Variants in C7orf25 observed in about 807,000 individuals in gnomAD.
C7orf25 encodes chromosome 7 open reading frame 25, also known as UPF0415 protein C7orf25.
In C7orf25, 14 loss-of-function variants were observed where a neutral mutation model predicts 25.5. The ratio of observed to expected loss-of-function variants is 0.55; its 90% CI spans 0.36 to 0.86. The LOEUF is 0.86. Ranked by LOEUF, C7orf25 falls within the 40% of genes least tolerant of loss-of-function variation. The pLI is 0.01. For synonymous variants in C7orf25, 184 were observed against 179.9 expected (o/e 1.02, Z -0.18); for missense variants, 405 against 493.9 (o/e 0.82, Z 1.71).
rs774474884 is a variant in C7orf25, at chr7:42,910,619, A to G, written c.282T>C (p.Tyr94=). 1 of 1,614,162 alleles carries G rather than the reference A, an allele frequency of 6.2e-7. No homozygotes were observed. Among genetic ancestry groups the G allele is most frequent in the Admixed American group, 1.7e-5 (1 of 60,036 alleles). The change falls in exon 2 of 2, where the codon TAT becomes TAC. Residue 94 remains tyrosine, a synonymous_variant. Transcript: ENST00000350427. ...EVVSVLHVFG[Y]TDTLGEKQTL... Reference sequence around the variant, plus strand: ...TTTGCTTTTCTCCTAAGGTATCTGTATAACCAAAGACATGAAGAACACTAA... The same window carrying G: ...TTTGCTTTTCTCCTAAGGTATCTGTGTAACCAAAGACATGAAGAACACTAA...
At chr7:42,911,062 C>G (rs1332044223) in intron 1 of C7orf25, 141 bp from the exon 2 acceptor site, 8 of 1,334,182 alleles carry the variant, frequency 6.0e-6, no homozygotes, top group Non-Finnish European at 8.3e-6. Flanking sequence ...ATGTCTCATT[C>G]TGGAGTGACT....
In C7orf25 at chr7:42,911,922, G is replaced by A. The variant is rs987885888; in HGVS notation, c.-29C>T. 3.4e-6 allele frequency: 5 copies of A among 1,477,626 alleles called. No individual in the cohort carries two copies. The highest frequency in any genetic ancestry group is 2.9e-5 in the African/African-American group (2 of 67,918). The allele number at this position is 1,477,626 out of a possible 1,614,324, so 91.5% of individuals were successfully genotyped here. On this transcript the variant is annotated 5_prime_UTR_variant, in exon 1 of 2. Coordinates refer to ENST00000350427, the MANE Select transcript of C7orf25 (RefSeq NM_001099858.2). Reference sequence around the variant, plus strand: ...CGCTCCCCGGCTCCTCACCGGCAGCGCCAGAACCGCGAGCGCGAGCACGCA... The same window carrying A: ...CGCTCCCCGGCTCCTCACCGGCAGCACCAGAACCGCGAGCGCGAGCACGCA...
At position 42,911,970 on chromosome 7, in the gene C7orf25, G is replaced by A. The variant is rs926869302; in HGVS notation, c.-77C>T. On this transcript the variant is annotated 5_prime_UTR_variant, in exon 1 of 2. Transcript: ENST00000350427. ...GCAGGCGCGTGCACGCAGAGGCCGG[G>A]ACCCGCCGGGAAATCTCAACCGGGC... 1 of 1,496,192 alleles carries A rather than the reference G, an allele frequency of 6.7e-7. No homozygotes were observed. The highest frequency in any genetic ancestry group is 8.8e-7 in the Non-Finnish European group (1 of 1,131,090). The allele number at this position is 1,496,192 out of a possible 1,614,324, so 92.7% of individuals were successfully genotyped here.
chr7:42,911,749 G>A (rs1047047332), intron 1 of C7orf25, 166 bp downstream of exon 1: 10 of 1,220,062 alleles, frequency 8.2e-6, no homozygotes, highest in Non-Finnish European at 9.2e-6. Context: ...CTGCCAGGAG[G>A]GGCCGGGGCC....
At position 42,909,621 on chromosome 7, in the gene C7orf25, T is replaced by C; in HGVS notation, c.*14A>G. Reference sequence around the variant, plus strand: ...TAAATAACTTACTTCCACAAAAATATTTAAAGGGTATCTTTAGTGTTCACT... The same window carrying C: ...TAAATAACTTACTTCCACAAAAATACTTAAAGGGTATCTTTAGTGTTCACT... On this transcript the variant is annotated 3_prime_UTR_variant, in exon 2 of 2. Coordinates refer to ENST00000350427, the MANE Select transcript of C7orf25 (RefSeq NM_001099858.2). 1 of 1,588,610 alleles carries C rather than the reference T, an allele frequency of 6.3e-7. No individual in the cohort carries two copies. Among genetic ancestry groups the C allele is most frequent in the Middle Eastern group, 1.7e-4 (1 of 5,908 alleles).
chr7:42,911,951 G>A lies in C7orf25; in HGVS notation c.-58C>T, dbSNP rs752969909. The A allele has an allele frequency of 2.0e-6, 3 of 1,488,622 alleles. No individual in the cohort carries two copies. In the South Asian group the frequency reaches 3.8e-5, roughly 19 times the overall value. The allele number at this position is 1,488,622 out of a possible 1,614,324, so 92.2% of individuals were successfully genotyped here. On this transcript the variant is annotated 5_prime_UTR_variant, in exon 1 of 2. Coordinates refer to ENST00000350427, the MANE Select transcript of C7orf25 (RefSeq NM_001099858.2). The stretch of plus-strand genomic sequence containing the variant: ...GAACCGCGAGCGCGAGCACGCAGGC[G>A]CGTGCACGCAGAGGCCGGGACCCGC...
In C7orf25 at chr7:42,909,628, G is replaced by A; in HGVS notation, c.*7C>T. On this transcript the variant is annotated 3_prime_UTR_variant, in exon 2 of 2. Transcript: ENST00000350427. ...CTTACTTCCACAAAAATATTTAAAG[G>A]GTATCTTTAGTGTTCACTGTCAGTT... 1.3e-6 allele frequency: 2 copies of A among 1,594,240 alleles called. No individual in the cohort carries two copies. The highest frequency in any genetic ancestry group is 1.1e-5 in the South Asian group (1 of 87,878).
chr7:42,911,944 CGCAGGCGCGT>C lies in C7orf25; in HGVS notation c.-61_-52del, dbSNP rs1415260494. On this transcript the variant is annotated 5_prime_UTR_variant, in exon 1 of 2. Coordinates refer to ENST00000350427, the MANE Select transcript of C7orf25 (RefSeq NM_001099858.2). ...AGCGCCAGAACCGCGAGCGCGAGCA[CGCAGGCGCGT>C]GCACGCAGAGGCCGGGACCCGCCGG... 44 of 1,485,996 alleles carry C rather than the reference CGCAGGCGCGT, an allele frequency of 3.0e-5. No individual in the cohort carries two copies. The highest frequency in any genetic ancestry group is 3.9e-5 in the Non-Finnish European group (44 of 1,125,784). 92.1% of individuals were successfully genotyped at this position (1,485,996 alleles called of 1,614,324 possible). A position where few individuals can be genotyped will look rare whatever the true frequency, so the allele number is the denominator to read the frequency against.
In C7orf25 at chr7:42,910,991, T is replaced by A. The variant is rs756727015; in HGVS notation, c.-21-70A>T. The A allele has an allele frequency of 3.8e-5, 60 of 1,598,804 alleles. No homozygotes were observed. In the African/African-American group the frequency reaches 5.7e-4, roughly 15 times the overall value. ...TGACAATCAATTCTTCACTGGTGAT[T>A]AAAAACTTCAATCTAGCAACACAGC... On this transcript the variant is annotated intron_variant, in intron 1 of 1. Transcript: ENST00000350427.
chr7:42,909,755 A>G lies in C7orf25; in HGVS notation c.1146T>C (p.Ala382=). ...TMTANSGFVR[A]ANNQGVKFSV... is the part of the protein sequence containing the mutation. ...TAAATTTAACACCCTGGTTGTTTGC[A>G]GCTCTGACAAAACCACTATTAGCAG... is the stretch of plus-strand genomic sequence containing the variant. The change falls in exon 2 of 2, where the codon GCT becomes GCC. Residue 382 remains alanine (A), a synonymous_variant. Coordinates refer to ENST00000350427, the MANE Select transcript of C7orf25 (RefSeq NM_001099858.2). The G allele has an allele frequency of 6.2e-7, 1 of 1,614,238 alleles. No homozygotes were observed. The highest frequency in any genetic ancestry group is 1.3e-5 in the African/African-American group (1 of 75,052).
chr7:42,909,553 CT>C lies in C7orf25; in HGVS notation c.*81del. ...TCTCAGTTTTACTTTTACTATAGACCTTTTTTCCCACCAGTTTAGATGGGAA... is the reference window on the plus strand; with the variant it reads ...TCTCAGTTTTACTTTTACTATAGACCTTTTTCCCACCAGTTTAGATGGGAA... On this transcript the variant is annotated 3_prime_UTR_variant, in exon 2 of 2. Coordinates refer to ENST00000350427, the MANE Select transcript of C7orf25 (RefSeq NM_001099858.2). 8 of 1,456,540 alleles carry C rather than the reference CT, an allele frequency of 5.5e-6. No homozygotes were observed. Among genetic ancestry groups the C allele is most frequent in the Admixed American group, 2.3e-5 (1 of 43,438 alleles). 90.2% of individuals were successfully genotyped at this position (1,456,540 alleles called of 1,614,324 possible).
chr7:42,910,009 C>T lies in C7orf25; in HGVS notation c.892G>A (p.Asp298Asn), dbSNP rs1406060953. The T allele has an allele frequency of 2.5e-6, 4 of 1,614,030 alleles. No individual in the cohort carries two copies. The highest frequency in any genetic ancestry group is 3.3e-5 in the Admixed American group (2 of 60,006). The change falls in exon 2 of 2, where the codon GAC becomes AAC. Residue 298 changes from aspartate to asparagine, a missense_variant. By Grantham distance (23) the Asp-to-Asn change is conservative. Coordinates refer to ENST00000350427, the MANE Select transcript of C7orf25 (RefSeq NM_001099858.2). ...VLPQLEAFMKDKELFACESAV... is the reference protein window; with the variant it reads ...VLPQLEAFMKNKELFACESAV... ...GATTCACAAGCAAACAACTCCTTGT[C>T]CTTCATAAAGGCCTCCAGCTGAGGT...
Position 42,909,725 on chromosome 7 carries a change from C to A in C7orf25, c.1176G>T (p.Val392=), listed in dbSNP as rs769824104. 1 of 1,614,058 alleles carries A rather than the reference C, an allele frequency of 6.2e-7. No homozygotes were observed. Among genetic ancestry groups the A allele is most frequent in the Non-Finnish European group, 8.5e-7 (1 of 1,180,040 alleles). ...TAAGTGCTCTGGGCTGATGGATAAA[C>A]ACACTAAATTTAACACCCTGGTTGT... ...AANNQGVKFS[V]FIHQPRALTE... is the part of the protein sequence containing the mutation. Residue 392 remains valine (V), a synonymous_variant, in exon 2 of 2, where the codon GTG becomes GTT. Transcript: ENST00000350427.
Position 42,910,840 on chromosome 7 carries a change from C to T in C7orf25, c.61G>A (p.Ala21Thr). 1 of 1,614,204 alleles carries T rather than the reference C, an allele frequency of 6.2e-7. No homozygotes were observed. Among genetic ancestry groups the T allele is most frequent in the Non-Finnish European group, 8.5e-7 (1 of 1,180,046 alleles). The change falls in exon 2 of 2, where the codon GCA becomes ACA. Residue 21 changes from alanine to threonine, a missense_variant. Ala to Thr is a moderately conservative substitution (Grantham distance 58, BLOSUM62 0). Coordinates refer to ENST00000350427, the MANE Select transcript of C7orf25 (RefSeq NM_001099858.2). ...TTTCTTGATCTAGAAAGTGATTCTG[C>T]TCTCTTGATCAGTTCCTTGGCTATG... ...IAIAKELIKR[A>T]ESLSRSRKGG...
At position 42,910,688 on chromosome 7, in the gene C7orf25, G is replaced by C; in HGVS notation, c.213C>G (p.His71Gln). The part of the protein sequence containing the change: ...ESHLQSTNLT[H>Q]LRAIVESAEN... ...CTGCTGATTCCACAATGGCTCTCAG[G>C]TGTGTTAGGTTAGTGCTCTGTAAAT... Residue 71 changes from histidine to glutamine, a missense_variant, in exon 2 of 2, where the codon CAC becomes CAG. By Grantham distance (24) the His-to-Gln change is conservative. Transcript: ENST00000350427. 6.2e-7 allele frequency: 1 copy of C among 1,614,108 alleles called. No individual in the cohort carries two copies.
Position 42,910,658 on chromosome 7 carries a change from G to C in C7orf25, c.243C>G (p.Asn81Lys), listed in dbSNP as rs760477862. ...GAAGAACACTAACAACTTCTTCCAG[G>C]TTTTCTGCTGATTCCACAATGGCTC... is the stretch of plus-strand genomic sequence containing the variant. ...HLRAIVESAE[N>K]LEEVVSVLHV... Residue 81 changes from asparagine to lysine, a missense_variant, in exon 2 of 2, where the codon AAC (asparagine) becomes AAG (lysine). Transcript: ENST00000350427. 1.2e-5 allele frequency: 20 copies of C among 1,614,110 alleles called. No homozygotes were observed. In the South Asian group the frequency reaches 2.1e-4, roughly 17 times the overall value.
intron 1 of C7orf25, chr7:42,911,284 T>G: frequency 1.1e-6 from 1 of 882,218 alleles, no homozygotes; most frequent in Non-Finnish European, 1.5e-6. Flanking sequence ...GCTGAGAAAT[T>G]TTAATAAAGG....
At position 42,912,000 on chromosome 7, in the gene C7orf25, C is replaced by G. The variant is rs1176698599; in HGVS notation, c.-107G>C. On this transcript the variant is annotated 5_prime_UTR_variant, in exon 1 of 2. Coordinates refer to ENST00000350427, the MANE Select transcript of C7orf25 (RefSeq NM_001099858.2). ...GCCGGGAAATCTCAACCGGGCAGCC[C>G]CCACCCCGCTCGAACGCCGAGGCGG... 6.7e-7 allele frequency: 1 copy of G among 1,489,222 alleles called. No individual in the cohort carries two copies. The highest frequency in any genetic ancestry group is 2.9e-5 in the East Asian group (1 of 34,760). 92.3% of individuals were successfully genotyped at this position (1,489,222 alleles called of 1,614,324 possible).
At chr7:42,911,292 A>C in intron 1 of C7orf25, 2 of 915,652 alleles carry the variant, frequency 2.2e-6, no homozygotes, top group Non-Finnish European at 2.9e-6. Flanking sequence ...ATTTTAATAA[A>C]GGCGACAAAA....
Sources: allele counts gnomAD v4.1 joint callset, GRCh38; gene constraint gnomAD v4.1.1; transcripts MANE v1.5; gene names NCBI Gene and HGNC (gene_info 2026-07-23, HGNC 2026-07-21).